TSHR: variants seen among roughly 807,000 people sequenced by gnomAD.
The protein encoded by TSHR is thyrotropin receptor.
In TSHR, 51 loss-of-function variants were observed where a neutral mutation model predicts 64.1. That is an observed-to-expected ratio of 0.80 (90% CI 0.64 to 1.01). The LOEUF is 1.01. Ranked by LOEUF, TSHR falls within the 50% of genes least tolerant of loss-of-function variation. The probability of loss-of-function intolerance (pLI) is 0.00; values close to 1 mark genes in which losing one functional copy is unlikely to be tolerated. For missense variants in TSHR, 877 were observed against 942.8 expected, an observed-to-expected ratio of 0.93 and a Z score of 0.91; for synonymous variants, 361 against 361.9, an observed-to-expected ratio of 1.00 and a Z score of 0.03.
Position 81,143,033 on chromosome 14 carries a change from A to C in TSHR, c.975A>C (p.Glu325Asp). 6.2e-7 allele frequency: 1 copy of C among 1,614,224 alleles called. No homozygotes were observed. Among genetic ancestry groups the C allele is most frequent in the Non-Finnish European group, 8.5e-7 (1 of 1,180,040 alleles). Residue 325 changes from glutamate to aspartate, a missense_variant, in exon 10 of 10, where the codon GAA (glutamate) becomes GAC (aspartate). Coordinates refer to ENST00000298171, the MANE Select transcript of TSHR (RefSeq NM_000369.5). ...VNALNSPLHQ[E>D]YEENLGDSIV... ...CCTTGAATAGCCCCCTCCACCAGGA[A>C]TATGAAGAGAATCTGGGTGACAGCA...
chr14:81,009,791 T>C (rs1252746968), intron 1 of TSHR, among the ~76,000 whole-genome samples: 1 of 152,116 alleles, frequency 6.6e-6, no homozygotes, highest in Non-Finnish European at 1.5e-5. Context: ...ATGATGAGCT[T>C]TAAGTTGTTC....
At chr14:81,094,730 G>A (rs1245260628) in intron 6 of TSHR, among the ~76,000 whole-genome samples, 1 of 106,156 alleles carries the variant, frequency 9.4e-6, no homozygotes, top group African/African-American at 3.9e-5. Flanking sequence ...CTGTCACCCA[G>A]AGCTGGAGTG....
chr14:81,124,572 A>T (rs967676240), intron 8 of TSHR, among the ~76,000 whole-genome samples: 2 of 152,140 alleles, frequency 1.3e-5, no homozygotes, highest in African/African-American at 2.4e-5. Flanking sequence ...AATAGGATAG[A>T]TTTATATCTC....
At chr14:81,115,857 G>T (rs1447331256) in intron 8 of TSHR, among the ~76,000 whole-genome samples, 1 of 152,076 alleles carries the variant, frequency 6.6e-6, no homozygotes, top group African/African-American at 2.4e-5. Context: ...CAAGCCAGAA[G>T]AGAGTGGGGG....
chr14:81,007,941 A>G (rs1458940619), intron 1 of TSHR, among the ~76,000 whole-genome samples: 1 of 152,124 alleles, frequency 6.6e-6, no homozygotes, highest in Admixed American at 6.5e-5. Context: ...CAATTTAATG[A>G]TCTACTTTTT....
intron 4 of TSHR, among the ~76,000 whole-genome samples, chr14:81,090,314 G>A (rs187924435): frequency 2.0e-5 from 3 of 152,110 alleles, no homozygotes; most frequent in East Asian, 1.9e-4. Flanking sequence ...GCATGATCTC[G>A]GCTCACTGCA....
intron 1 of TSHR, among the ~76,000 whole-genome samples, chr14:81,022,545 G>A (rs1032322196): frequency 2.6e-5 from 4 of 151,464 alleles, no homozygotes; most frequent in South Asian, 4.2e-4. Context: ...GTTTGGGGCC[G>A]GGCACGGTGG....
chr14:81,118,534 A>G (rs1440252280), intron 8 of TSHR, among the ~76,000 whole-genome samples: 1 of 150,906 alleles, frequency 6.6e-6, no homozygotes, highest in Admixed American at 6.6e-5. Context: ...AGAGGATACA[A>G]ACAAATGGAA....
rs1889734454 is a variant in TSHR at position 81,103,873 on chromosome 14, C to T, written c.615-4502C>T. The stretch of plus-strand genomic sequence containing the variant: ...TAACTAGCTACTATCTGACAGTAAA[C>T]ATTTAGGCAGGAATAAAAATACCAT... On this transcript the variant is annotated intron_variant, in intron 7 of 9. Coordinates refer to ENST00000298171, the MANE Select transcript of TSHR (RefSeq NM_000369.5). The surrounding 1 kb of genome is among the most constrained non-coding windows in gnomAD (Gnocchi z 4.1). 1 of 985,416 alleles carries T rather than the reference C, an allele frequency of 1.0e-6. No individual in the cohort carries two copies. The highest frequency in any genetic ancestry group is 1.7e-5 in the African/African-American group (1 of 57,354). The allele number at this position is 985,416 out of a possible 1,614,324, so 61.0% of individuals were successfully genotyped here. A position where few individuals can be genotyped will look rare whatever the true frequency, so the allele number is the denominator to read the frequency against.
rs867786016 is a variant in TSHR at position 81,073,021 on chromosome 14, A to T, written c.317+4693A>T. Among the ~76,000 whole-genome samples, 400 of 48,526 alleles carry T rather than the reference A, an allele frequency of 8.2e-3. 11 individuals are homozygous for T. The highest frequency in any genetic ancestry group is 0.021 in the African/African-American group (304 of 14,174). 31.8% of individuals were successfully genotyped at this position (48,526 alleles called of 152,430 possible). The stretch of plus-strand genomic sequence containing the variant: ...CAAAAAAAAAAAAAAATAAAAAATA[A>T]ATATATATATATATATATATATATA... On this transcript the variant is annotated intron_variant, in intron 3 of 9. Transcript: ENST00000298171.
intron 1 of TSHR, chr14:80,958,141 A>C (rs1194198425): frequency 6.6e-6 from 1 of 151,726 alleles, no homozygotes; most frequent in Non-Finnish European, 1.5e-5. Context: ...AGAGAAGTAA[A>C]ACATGTAAAG....
At chr14:80,988,487 C>T (rs932425528) in intron 1 of TSHR, among the ~76,000 whole-genome samples, 10 of 152,142 alleles carry the variant, frequency 6.6e-5, no homozygotes, top group Non-Finnish European at 1.3e-4. Flanking sequence ...ATCTAATCAC[C>T]TCCCACCAGG....
At chr14:81,056,076 T>C (rs1885776066) in intron 1 of TSHR, among the ~76,000 whole-genome samples, 1 of 152,134 alleles carries the variant, frequency 6.6e-6, no homozygotes, top group Non-Finnish European at 1.5e-5. Flanking sequence ...AGGTCTTTCC[T>C]GTGCTGTTCT....
At chr14:81,001,477 C>A in intron 1 of TSHR, 1 of 510,252 alleles carries the variant, frequency 2.0e-6, no homozygotes, top group Non-Finnish European at 3.9e-6. Context: ...TGAGAATCTA[C>A]ATCTACACCC....
intron 8 of TSHR, among the ~76,000 whole-genome samples, chr14:81,126,737 T>C (rs1403975099): frequency 2.0e-5 from 3 of 152,238 alleles, no homozygotes; most frequent in African/African-American, 7.2e-5. Flanking sequence ...CTGAAGTTTG[T>C]TCTTTGTTGA....
intron 8 of TSHR, among the ~76,000 whole-genome samples, chr14:81,126,896 C>G (rs943338288): frequency 6.6e-6 from 1 of 152,220 alleles, no homozygotes; most frequent in African/African-American, 2.4e-5. Context: ...ATTCTGACTT[C>G]TCCACACACT....
chr14:81,056,308 T>C (rs560257093), intron 1 of TSHR, among the ~76,000 whole-genome samples: 2 of 152,242 alleles, frequency 1.3e-5, no homozygotes, highest in Non-Finnish European at 2.9e-5. Flanking sequence ...AGCGTGAAAA[T>C]GAACTAATAC....
intron 8 of TSHR, among the ~76,000 whole-genome samples, chr14:81,130,667 C>G (rs913214494): frequency 6.6e-6 from 1 of 152,178 alleles, no homozygotes; most frequent in Non-Finnish European, 1.5e-5. Context: ...AATCTCCAGT[C>G]CAGACAATTC....
intron 8 of TSHR, 140 bp downstream of exon 8, chr14:81,108,592 C>T (rs779236713): frequency 3.7e-6 from 6 of 1,613,164 alleles, no homozygotes; most frequent in Non-Finnish European, 5.1e-6. Flanking sequence ...CTGCAAGTCC[C>T]TCTTTTCCTG....
Sources: gnomAD v4.1 joint callset for allele counts (sites outside exome capture counted in the v4.1 genomes callset) on GRCh38, gnomAD v4.1.1 for gene constraint, Gnocchi (gnomAD v3.1) non-coding constraint, MANE v1.5 for transcripts, NCBI Gene and HGNC (gene_info 2026-07-23, HGNC 2026-07-21) for gene names.